The following PCDH7 variants were observed in gnomAD, a reference collection of about 807,000 sequenced individuals.
PCDH7 encodes protocadherin 7.
Under a neutral mutation model 58.9 loss-of-function variants are expected in PCDH7, and 17 were observed. The observed-to-expected ratio is 0.29, with a 90% CI of 0.20 to 0.43. The LOEUF (loss-of-function observed/expected upper bound fraction) is 0.43. Among genes scored for constraint, PCDH7 ranks in the 20% least tolerant of loss-of-function variants. The pLI, the probability that PCDH7 is intolerant of heterozygous loss-of-function variation, is 1.00. For synonymous variants in PCDH7, 664 were observed against 616.4 expected (o/e 1.08, Z -1.14); for missense variants, 1,274 against 1,441.0 (o/e 0.88, Z 1.88).
chr4:30,806,230 T>A (rs572854328), intron 1 of PCDH7, among the ~76,000 whole-genome samples: 1 of 152,302 alleles, frequency 6.6e-6, no homozygotes, highest in African/African-American at 2.4e-5. Flanking sequence ...AGCCTGACTC[T>A]GGAAAGTCAG....
At chr4:31,116,018 G>C (rs941659166) in intron 3 of PCDH7, among the ~76,000 whole-genome samples, 3 of 152,032 alleles carry the variant, frequency 2.0e-5, no homozygotes, top group Admixed American at 2.0e-4. Flanking sequence ...TTATTCCTGG[G>C]AGCTATAGAA....
intron 3 of PCDH7, among the ~76,000 whole-genome samples, chr4:31,060,495 T>C (rs373411989): frequency 1.3e-5 from 2 of 151,764 alleles, no homozygotes; most frequent in Admixed American, 6.6e-5. Flanking sequence ...AGGGGACAGT[T>C]TTCATGATTT....
At chr4:30,988,513 T>A (rs371713925) in intron 3 of PCDH7, among the ~76,000 whole-genome samples, 156 of 152,314 alleles carry the variant, frequency 1.0e-3, no homozygotes, top group African/African-American at 3.6e-3. Flanking sequence ...TCATTAGCAT[T>A]TAGTACACAG....
intron 1 of PCDH7, among the ~76,000 whole-genome samples, chr4:30,901,823 T>C (rs1313391241): frequency 6.6e-6 from 1 of 152,170 alleles, no homozygotes; most frequent in Non-Finnish European, 1.5e-5. Context: ...CTACCGACCT[T>C]TACTTTTAAA....
At chr4:31,104,394 C>A (rs536749493) in intron 3 of PCDH7, among the ~76,000 whole-genome samples, 4 of 152,154 alleles carry the variant, frequency 2.6e-5, no homozygotes, top group Non-Finnish European at 5.9e-5. Context: ...CTCATACGCA[C>A]CCCTTCTCTC....
intron 3 of PCDH7, among the ~76,000 whole-genome samples, chr4:31,086,506 A>C (rs1712459622): frequency 6.6e-6 from 1 of 152,164 alleles, no homozygotes; most frequent in South Asian, 2.1e-4. Flanking sequence ...ATGTATTATC[A>C]TACTTAATAA....
At chr4:31,141,488 C>T (rs1234463601) in intron 3 of PCDH7, among the ~76,000 whole-genome samples, 1 of 152,128 alleles carries the variant, frequency 6.6e-6, no homozygotes, top group Non-Finnish European at 1.5e-5. Flanking sequence ...CTCTCTTTCT[C>T]AAACAAAGTC....
exon 2 of PCDH7, chr4:30,731,070 G>T (rs1347954397): frequency 8.8e-7 from 1 of 1,138,418 alleles, no homozygotes; most frequent in Non-Finnish European, 1.1e-6. Context: ...CCTATTAGAC[G>T]TAACAGTGAT....
chr4:30,722,464 G>C lies in PCDH7; in HGVS notation c.1042G>C (p.Gly348Arg). ...CAACGGGCAGATCGAATACGTGTTC[G>C]GGGCGGCCACCGAGTCGGTGAGGCG... Residue 348 changes from glycine (G) to arginine (R), a missense_variant, in exon 1 of 2, where the codon GGG becomes CGG. Around this residue, in one of 3 missense-constraint regions of PCDH7, gnomAD observed 331 missense variants for 303.2 expected, o/e 1.09. Transcript: ENST00000361762. This position sits in a 1 kb window ranked among gnomAD's most constrained non-coding sequence, Gnocchi z 7.6. 1 of 1,610,268 alleles carries C rather than the reference G, an allele frequency of 6.2e-7. No homozygotes were observed. Among genetic ancestry groups the C allele is most frequent in the Non-Finnish European group, 8.5e-7 (1 of 1,178,736 alleles).
intron 3 of PCDH7, among the ~76,000 whole-genome samples, chr4:30,955,634 C>G (rs112428228): frequency 3.0e-4 from 46 of 151,860 alleles, no homozygotes; most frequent in Admixed American, 6.6e-4. Flanking sequence ...CTGCAACCTC[C>G]GCCTCATGGG....
At chr4:30,801,965 AT>A (rs1293807441) in intron 1 of PCDH7, among the ~76,000 whole-genome samples, 4 of 152,326 alleles carry the variant, frequency 2.6e-5, no homozygotes, top group Admixed American at 2.0e-4. Context: ...GAAGGGTAAC[AT>A]TTTTTGACTA....
chr4:30,960,079 G>A (rs977471361), intron 3 of PCDH7, among the ~76,000 whole-genome samples: 8 of 122,840 alleles, frequency 6.5e-5, no homozygotes, highest in African/African-American at 2.7e-4. Context: ...AAAAGGAGGG[G>A]AGGAAGGAAG....
At chr4:30,728,311 A>C (rs1714940144) in intron 1 of PCDH7, among the ~76,000 whole-genome samples, 1 of 151,210 alleles carries the variant, frequency 6.6e-6, no homozygotes, top group South Asian at 2.1e-4. Flanking sequence ...AGAGAGAGAG[A>C]GAGAGAGAGA....
At chr4:30,765,125 CTT>C (rs10692198) in intron 1 of PCDH7, among the ~76,000 whole-genome samples, 759 of 49,158 alleles carry the variant, frequency 0.015, 10 homozygotes, top group African/African-American at 0.051. Flanking sequence ...ACTTCAGATG[CTT>C]TTTTTTTTTT....
chr4:30,758,363 A>T (rs1463816484), intron 1 of PCDH7, among the ~76,000 whole-genome samples: 3 of 152,150 alleles, frequency 2.0e-5, no homozygotes, highest in Non-Finnish European at 4.4e-5. Context: ...AGAAGAGGTT[A>T]TGTTGTGCAT....
chr4:30,732,317 C>G (rs1382457592), exon 2 of PCDH7: 3 of 152,132 alleles, frequency 2.0e-5, no homozygotes, highest in African/African-American at 7.2e-5. Context: ...TTTCCTCATT[C>G]CAAATAGTAA....
At chr4:31,113,830 T>TC (rs1491284282) in intron 3 of PCDH7, among the ~76,000 whole-genome samples, 2 of 137,844 alleles carry the variant, frequency 1.5e-5, no homozygotes, top group African/African-American at 5.7e-5. Flanking sequence ...AGTTAACCTT[T>TC]CTTTTTTTTT....
chr4:31,100,463 T>C (rs1161541313), intron 3 of PCDH7, among the ~76,000 whole-genome samples: 2 of 152,166 alleles, frequency 1.3e-5, no homozygotes, highest in Non-Finnish European at 2.9e-5. Context: ...GTTTCTAAAG[T>C]TTAAGGATGA....
At chr4:30,949,086 G>T (rs1473861091) in intron 2 of PCDH7, among the ~76,000 whole-genome samples, 2 of 152,056 alleles carry the variant, frequency 1.3e-5, no homozygotes, top group Admixed American at 1.3e-4. Flanking sequence ...TAGCCCTTGT[G>T]TATCTAATAC....
Sources: allele counts gnomAD v4.1 joint callset (sites outside exome capture counted in the v4.1 genomes callset), GRCh38; gene constraint gnomAD v4.1.1; regional missense constraint gnomAD v4.1.1; non-coding constraint Gnocchi (gnomAD v3.1); transcripts MANE v1.5; gene names NCBI Gene and HGNC (gene_info 2026-07-23, HGNC 2026-07-21).